TRPM1: variants seen among roughly 807,000 people sequenced by gnomAD.
TRPM1 encodes TRPM1-203 APA Isoform, Intron 10.
In TRPM1, 113 loss-of-function variants were observed where a neutral mutation model predicts 149.4. The observed-to-expected ratio is 0.76, with a 90% CI of 0.65 to 0.88. TRPM1 has a LOEUF of 0.88. Among genes scored for constraint, TRPM1 ranks in the 40% least tolerant of loss-of-function variants. The pLI, the probability that TRPM1 is intolerant of heterozygous loss-of-function variation, is 0.00. For synonymous variants in TRPM1, 741 were observed against 759.5 expected (o/e 0.98, Z 0.40); for missense variants, 1,976 against 2,038.7 (o/e 0.97, Z 0.59).
chr15:31,043,353 C>T (rs563136531), intron 16 of TRPM1, among the ~76,000 whole-genome samples: 16 of 152,210 alleles, frequency 1.1e-4, no homozygotes, highest in Admixed American at 5.2e-4. Context: ...CCACCACGCC[C>T]GGCTAATTTT....
Position 31,027,102 on chromosome 15 carries a change from T to G in TRPM1, c.3309A>C (p.Glu1103Asp), listed in dbSNP as rs1456582812. 6.2e-7 allele frequency: 1 copy of G among 1,614,172 alleles called. No individual in the cohort carries two copies. ...LIAVFNNTFFEVKSISNQVWK... is the reference protein window; with the variant it reads ...LIAVFNNTFFDVKSISNQVWK... The stretch of plus-strand genomic sequence containing the variant: ...ACACCTGGTTGGATATTGATTTTAC[T>G]TCAAAGAAGGTATTGCTTTAAAAAG... The change falls in exon 26 of 28, where the codon GAA becomes GAC. Residue 1103 changes from glutamate (E) to aspartate (D), a missense_variant. Glu to Asp is a conservative substitution (Grantham distance 45). Transcript: ENST00000256552.
intron 1 of TRPM1, among the ~76,000 whole-genome samples, chr15:31,124,189 G>T (rs1345921009): frequency 6.6e-6 from 1 of 151,966 alleles, no homozygotes; most frequent in Admixed American, 6.6e-5. Context: ...GGAGGCTGAA[G>T]CAGGAGAATC....
chr15:31,117,094 A>G (rs2035809300), intron 1 of TRPM1, among the ~76,000 whole-genome samples: 1 of 152,226 alleles, frequency 6.6e-6, no homozygotes, highest in African/African-American at 2.4e-5. Flanking sequence ...TTACGCCTGT[A>G]ATCCCAACAC....
At chr15:31,069,857 C>G in intron 4 of TRPM1, 174 bp downstream of exon 4, 1 of 1,570,292 alleles carries the variant, frequency 6.4e-7, no homozygotes, top group Non-Finnish European at 8.6e-7. Flanking sequence ...AGTTTCCAAG[C>G]CTCATGGCTA....
chr15:31,079,602 A>G (rs2034804613), intron 2 of TRPM1, among the ~76,000 whole-genome samples: 1 of 152,232 alleles, frequency 6.6e-6, no homozygotes, highest in Admixed American at 6.5e-5. Flanking sequence ...GCCGTAGCCC[A>G]TTCATTAGCA....
In TRPM1 at chr15:31,026,235, T is replaced by C. The variant is rs776483887; in HGVS notation, c.3533A>G (p.His1178Arg). The C allele has an allele frequency of 2.0e-5, 33 of 1,612,332 alleles. No homozygotes were observed. The Middle Eastern group carries it at 1.8e-3, about 89-fold the overall frequency. ...CTGCACGCACTGCTCCTCGAACTCA[T>C]GCAGCCTCTTTAGCTCCTCGTCGCT... Reference protein sequence around the residue: ...FLSDEELKRLHEFEEQCVQEH... With the variant: ...FLSDEELKRLREFEEQCVQEH... Residue 1178 changes from histidine (H) to arginine (R), a missense_variant, in exon 27 of 28, where the codon CAT becomes CGT. Coordinates refer to ENST00000256552, the MANE Select transcript of TRPM1 (RefSeq NM_001252024.2).
At position 31,070,190 on chromosome 15, in the gene TRPM1, G is replaced by C; in HGVS notation, c.120C>G (p.Pro40=). 2 of 1,614,006 alleles carry C rather than the reference G, an allele frequency of 1.2e-6. No individual in the cohort carries two copies. Among genetic ancestry groups the C allele is most frequent in the Non-Finnish European group, 1.7e-6 (2 of 1,179,974 alleles). The stretch of plus-strand genomic sequence containing the variant: ...TGCTGGGTGTTGCACTTGGCAGAGG[G>C]GGGATATGCTGGTTGGTGAACTGGC... ...CCGQFTNQHI[P]PLPSATPSKN... The change falls in exon 4 of 28, where the codon CCC becomes CCG. Residue 40 remains proline, a synonymous_variant. Coordinates refer to ENST00000256552, the MANE Select transcript of TRPM1 (RefSeq NM_001252024.2).
chr15:31,123,509 A>G (rs2035906114), intron 1 of TRPM1, among the ~76,000 whole-genome samples: 1 of 152,242 alleles, frequency 6.6e-6, no homozygotes, highest in African/African-American at 2.4e-5. Flanking sequence ...AATTAAAAAT[A>G]TGGGCAAAAG....
Position 31,101,712 on chromosome 15 carries a change from T to C in TRPM1, c.-139A>G, listed in dbSNP as rs945999481. The C allele has an allele frequency of 3.0e-6, 3 of 985,790 alleles. No individual in the cohort carries two copies. In the African/African-American group the frequency reaches 5.2e-5, roughly 17 times the overall value. The allele number at this position is 985,790 out of a possible 1,614,324, so 61.1% of individuals were successfully genotyped here. A position where few individuals can be genotyped will look rare whatever the true frequency, so the allele number is the denominator to read the frequency against. On this transcript the variant is annotated 5_prime_UTR_variant, in exon 1 of 28. Transcript: ENST00000256552. ...GCTCAGGCTCTTTCAGCCTCCTCCT[T>C]GGCCAGGGCAGGGAGCTGGGTGAGG...
chr15:31,105,435 CTGTGTGTGTGTGTG>C (rs10525947), upstream of TRPM1, among the ~76,000 whole-genome samples: 428 of 148,670 alleles, frequency 2.9e-3, 3 homozygotes, highest in Non-Finnish European at 4.5e-3. Flanking sequence ...CTGTGTGTCT[CTGTGTGTGTGTGTG>C]TGTGTGTGTG....
chr15:31,080,045 G>A (rs1380671676), intron 2 of TRPM1, among the ~76,000 whole-genome samples: 1 of 152,082 alleles, frequency 6.6e-6, no homozygotes, highest in Non-Finnish European at 1.5e-5. Flanking sequence ...ATAACCTTTA[G>A]ACTTAAATAA....
intron 27 of TRPM1, among the ~76,000 whole-genome samples, chr15:31,005,612 G>T (rs951328806): frequency 6.6e-6 from 1 of 152,178 alleles, no homozygotes; most frequent in Non-Finnish European, 1.5e-5. Flanking sequence ...TCAGTTGCTT[G>T]TTTGGAGCTT....
At chr15:31,065,444 T>A (rs780070870) in intron 7 of TRPM1, among the ~76,000 whole-genome samples, 18 of 152,206 alleles carry the variant, frequency 1.2e-4, no homozygotes, top group Non-Finnish European at 2.5e-4. Flanking sequence ...AGTATAAACA[T>A]GCTCCAAGAG....
intron 1 of TRPM1, among the ~76,000 whole-genome samples, chr15:31,088,703 G>A (rs1022031658): frequency 6.6e-5 from 10 of 152,206 alleles, no homozygotes; most frequent in Middle Eastern, 3.4e-3. Context: ...GGATTTGGGG[G>A]CCGTCGTATG....
chr15:31,106,428 G>T (rs768368835), upstream of TRPM1, among the ~76,000 whole-genome samples: 5 of 152,006 alleles, frequency 3.3e-5, no homozygotes, highest in South Asian at 1.0e-3. Context: ...GAGCCACCAC[G>T]CCTGGCCGCC....
At chr15:31,074,368 C>T (rs1470205520) in intron 3 of TRPM1, among the ~76,000 whole-genome samples, 3 of 152,080 alleles carry the variant, frequency 2.0e-5, no homozygotes, top group Non-Finnish European at 2.9e-5. Context: ...AATCCTATCT[C>T]TTTACTCCTT....
rs887186159 is a variant in TRPM1 at position 31,055,345 on chromosome 15, C to T, written c.1264-4763G>A. ...AAAAATCTATTTCAGGGAGAAGAGG[C>T]GGGCCAGAGAGTTTTTAACAAATTT... On this transcript the variant is annotated intron_variant, in intron 11 of 27. Transcript: ENST00000256552. Among the ~76,000 whole-genome samples the T allele has an allele frequency of 3.3e-5, 5 of 152,104 alleles. 1 individual carries two copies. The highest frequency in any genetic ancestry group is 4.1e-4 in the South Asian group (2 of 4,822).
chr15:31,148,719 T>C (rs1189720542), intron 1 of TRPM1, among the ~76,000 whole-genome samples: 1 of 152,176 alleles, frequency 6.6e-6, no homozygotes, highest in African/African-American at 2.4e-5. Context: ...TAAGGGATGC[T>C]AGTCACCTTA....
intron 1 of TRPM1, among the ~76,000 whole-genome samples, chr15:31,085,086 G>A (rs1369368423): frequency 6.6e-6 from 1 of 152,088 alleles, no homozygotes; most frequent in Non-Finnish European, 1.5e-5. Context: ...AGGGGATACA[G>A]ACTTTTTCTT....
Sources: allele counts gnomAD v4.1 joint callset (sites outside exome capture counted in the v4.1 genomes callset), GRCh38; gene constraint gnomAD v4.1.1; transcripts MANE v1.5; gene names NCBI Gene and HGNC (gene_info 2026-07-23, HGNC 2026-07-21).